TRIM54: variants seen among roughly 807,000 people sequenced by gnomAD.
The protein encoded by TRIM54 is tripartite motif-containing protein 54.
A neutral mutation model predicts 42.0 loss-of-function variants in TRIM54; 40 were observed. That is an observed-to-expected ratio of 0.95 (90% CI 0.74 to 1.24). TRIM54 has a LOEUF of 1.24. TRIM54 is among the 50% of genes most tolerant of loss of function. The pLI is 0.00. For missense variants in TRIM54, 485 were observed against 480.3 expected, an observed-to-expected ratio of 1.01 and a Z score of -0.09; for synonymous variants, 199 against 194.9, an observed-to-expected ratio of 1.02 and a Z score of -0.17.
chr2:27,294,532 C>T (rs560767284), intron 1 of TRIM54, among the ~76,000 whole-genome samples: 22 of 152,198 alleles, frequency 1.4e-4, no homozygotes, highest in Admixed American at 1.2e-3. Flanking sequence ...AGCTCATGAC[C>T]GTGTACAATT....
In TRIM54 at chr2:27,282,611, C is replaced by T; in HGVS notation, c.-121C>T. On this transcript the variant is annotated 5_prime_UTR_variant, in exon 1 of 9. Transcript: ENST00000380075. ...GTTGTTAAAGGGACAGGAGAGAAAG[C>T]AGAGCTATTTCAAGAGTGAGCCACA... 1 of 1,087,740 alleles carries T rather than the reference C, an allele frequency of 9.2e-7. No homozygotes were observed. The highest frequency in any genetic ancestry group is 2.6e-5 in the East Asian group (1 of 38,666). The allele number at this position is 1,087,740 out of a possible 1,614,324, so 67.4% of individuals were successfully genotyped here. A position where few individuals can be genotyped will look rare whatever the true frequency, so the allele number is the denominator to read the frequency against.
At position 27,306,204 on chromosome 2, in the gene TRIM54, C is replaced by T; in HGVS notation, c.867-9C>T. 1 of 1,614,030 alleles carries T rather than the reference C, an allele frequency of 6.2e-7. No homozygotes were observed. Among genetic ancestry groups the T allele is most frequent in the Non-Finnish European group, 8.5e-7 (1 of 1,180,002 alleles). ...GGCATTGCCAGCTGAGTCCGTGTGG[C>T]CACTGCAGGGTCGGGGCCATGTCGA... On this transcript the variant is annotated splice_polypyrimidine_tract_variant and intron_variant, in intron 6 of 8. Coordinates refer to ENST00000380075, the MANE Select transcript of TRIM54 (RefSeq NM_187841.3). The surrounding 1 kb of genome is among the most constrained non-coding windows in gnomAD (Gnocchi z 6.1).
chr2:27,304,167 G>A (rs367622965), intron 3 of TRIM54, among the ~76,000 whole-genome samples: 3 of 151,612 alleles, frequency 2.0e-5, no homozygotes, highest in East Asian at 3.9e-4. Context: ...AACTGAGATC[G>A]AGCCACTGCA....
At chr2:27,288,149 C>T (rs972369088) in intron 1 of TRIM54, among the ~76,000 whole-genome samples, 3 of 152,194 alleles carry the variant, frequency 2.0e-5, no homozygotes, top group East Asian at 3.8e-4. Flanking sequence ...TGGTCTTCTG[C>T]CCACCGTTTT....
intron 1 of TRIM54, 61 bp from the exon 2 acceptor site, chr2:27,298,506 C>A: frequency 7.1e-7 from 1 of 1,414,580 alleles, no homozygotes; most frequent in East Asian, 2.3e-5. Flanking sequence ...TTTCCCCCTG[C>A]CTCCTCCGAG....
chr2:27,306,293 T>A lies in TRIM54; in HGVS notation c.947T>A (p.Val316Glu), dbSNP rs755834335. 1 of 1,613,872 alleles carries A rather than the reference T, an allele frequency of 6.2e-7. No homozygotes were observed. The highest frequency in any genetic ancestry group is 8.5e-7 in the Non-Finnish European group (1 of 1,179,942). ...YESMEQFTVR[V>E]EHVAEMLRTI... Reference sequence around the variant, plus strand: ...AGCATGGAGCAATTCACCGTAAGGGTGGAGCACGTGGCCGAAATGCTGCGG... The same window carrying A: ...AGCATGGAGCAATTCACCGTAAGGGAGGAGCACGTGGCCGAAATGCTGCGG... The change falls in exon 7 of 9, where the codon GTG becomes GAG. Residue 316 changes from valine to glutamate, a missense_variant. Val to Glu is a moderately radical substitution (Grantham distance 121). Transcript: ENST00000380075. This position sits in a 1 kb window ranked among gnomAD's most constrained non-coding sequence, Gnocchi z 6.1.
intron 3 of TRIM54, among the ~76,000 whole-genome samples, chr2:27,301,525 G>A (rs746684063): frequency 2.0e-5 from 3 of 152,086 alleles, no homozygotes; most frequent in Admixed American, 1.3e-4. Context: ...GAACATATAC[G>A]GTCACTTGCT....
chr2:27,305,907 C>A, intron 5 of TRIM54, 90 bp downstream of exon 5: 1 of 1,371,156 alleles, frequency 7.3e-7, no homozygotes, highest in Non-Finnish European at 1.0e-6. Flanking sequence ...TTGTCTCTTG[C>A]ACCTGCTTGC....
chr2:27,299,506 T>C, intron 3 of TRIM54, 90 bp downstream of exon 3: 1 of 1,546,500 alleles, frequency 6.5e-7, no homozygotes, highest in African/African-American at 1.4e-5. Context: ...TATCTTTTGT[T>C]TACTTATTTC....
intron 1 of TRIM54, among the ~76,000 whole-genome samples, chr2:27,284,140 C>A (rs1052193640): frequency 6.6e-6 from 1 of 152,068 alleles, no homozygotes; most frequent in African/African-American, 2.4e-5. Context: ...CTCAAAAAAA[C>A]AAAAACAAAA....
intron 1 of TRIM54, among the ~76,000 whole-genome samples, chr2:27,297,347 G>A (rs1213491104): frequency 1.3e-5 from 2 of 152,230 alleles, no homozygotes; most frequent in Non-Finnish European, 2.9e-5. Context: ...CAAATTCTTA[G>A]GAGAGAATAT....
chr2:27,292,412 CT>C (rs1030447852), intron 1 of TRIM54, among the ~76,000 whole-genome samples: 1 of 152,048 alleles, frequency 6.6e-6, no homozygotes, highest in Admixed American at 6.6e-5. Context: ...TCTGCAGAAA[CT>C]TTTTTTAAAA....
At chr2:27,293,601 T>A (rs1422658264) in intron 1 of TRIM54, among the ~76,000 whole-genome samples, 3 of 152,238 alleles carry the variant, frequency 2.0e-5, no homozygotes, top group Non-Finnish European at 4.4e-5. Context: ...TCATCTTTTG[T>A]TGATCTTTGC....
At chr2:27,304,113 G>A (rs1307271686) in intron 3 of TRIM54, among the ~76,000 whole-genome samples, 1 of 151,878 alleles carries the variant, frequency 6.6e-6, no homozygotes, top group East Asian at 1.9e-4. Flanking sequence ...CTGGGAGGCT[G>A]AGGTGGGAGG....
chr2:27,296,320 T>C (rs1027984724), intron 1 of TRIM54, among the ~76,000 whole-genome samples: 1 of 152,220 alleles, frequency 6.6e-6, no homozygotes, highest in Non-Finnish European at 1.5e-5. Context: ...TGCATCTCAC[T>C]ATGCTAGCTC....
At chr2:27,301,813 C>T (rs1572529038) in intron 3 of TRIM54, among the ~76,000 whole-genome samples, 1 of 152,048 alleles carries the variant, frequency 6.6e-6, no homozygotes, top group Non-Finnish European at 1.5e-5. Context: ...TGCTCTGGTT[C>T]AAACGCCCCT....
intron 1 of TRIM54, among the ~76,000 whole-genome samples, chr2:27,292,678 C>T (rs1678752409): frequency 6.6e-6 from 1 of 152,094 alleles, no homozygotes. Flanking sequence ...TTATCACCAC[C>T]CCAAACTGAA....
At chr2:27,299,110 A>G in intron 2 of TRIM54, 135 bp from the exon 3 acceptor site, 2 of 964,694 alleles carry the variant, frequency 2.1e-6, no homozygotes, top group Non-Finnish European at 3.1e-6. Flanking sequence ...AGCTCTGTGG[A>G]AGTACTCACC....
At chr2:27,290,816 A>G (rs1440240734) in intron 1 of TRIM54, among the ~76,000 whole-genome samples, 1 of 152,158 alleles carries the variant, frequency 6.6e-6, no homozygotes, top group Admixed American at 6.6e-5. Context: ...TGCTCCATTA[A>G]ATGCTTCTGT....
Sources: gnomAD v4.1 joint callset for allele counts (sites outside exome capture counted in the v4.1 genomes callset) on GRCh38, gnomAD v4.1.1 for gene constraint, Gnocchi (gnomAD v3.1) non-coding constraint, MANE v1.5 for transcripts, NCBI Gene and HGNC (gene_info 2026-07-23, HGNC 2026-07-21) for gene names.